The following NRF1 variants were observed in gnomAD, a reference collection of about 807,000 sequenced individuals.
NRF1 encodes nuclear respiratory factor 1.
A neutral mutation model predicts 58.5 loss-of-function variants in NRF1; 5 were observed. The observed-to-expected ratio is 0.09, with a 90% confidence interval of 0.04 to 0.18. The LOEUF (loss-of-function observed/expected upper bound fraction) is 0.18. Ranked by LOEUF, NRF1 falls within the 10% of genes least tolerant of loss-of-function variation. NRF1 has a pLI of 1.00. For synonymous variants in NRF1, 224 were observed against 246.7 expected, an observed-to-expected ratio of 0.91 and a Z score of 0.86; for missense variants, 288 against 657.7, an observed-to-expected ratio of 0.44 and a Z score of 6.15.
rs964604292 is a variant in NRF1, at chr7:129,711,902, GA to G, written c.1065+335del. 8.6e-5 allele frequency among the ~76,000 whole-genome samples: 13 copies of G among 150,534 alleles called. No homozygotes were observed. In the East Asian group the frequency reaches 1.4e-3, roughly 16 times the overall value. On this transcript the variant is annotated intron_variant, in intron 8 of 10. Transcript: ENST00000393232. ...AAAGAATTTCATCTTTGGTCTTTAT[GA>G]AAAAAAAATGTCACATTAAAACTGG...
At chr7:129,747,636 G>C (rs1053534877) in intron 10 of NRF1, among the ~76,000 whole-genome samples, 1 of 152,160 alleles carries the variant, frequency 6.6e-6, no homozygotes, top group African/African-American at 2.4e-5. Flanking sequence ...TGAGATGAGT[G>C]ATCACCATTT....
intron 1 of NRF1, among the ~76,000 whole-genome samples, chr7:129,618,017 G>A (rs1003909615): frequency 6.6e-6 from 1 of 152,198 alleles, no homozygotes; most frequent in Admixed American, 6.5e-5. Flanking sequence ...GGGACCATAA[G>A]AGGTTTGAGT....
At chr7:129,715,464 T>C (rs1036647416) in intron 8 of NRF1, among the ~76,000 whole-genome samples, 2 of 152,178 alleles carry the variant, frequency 1.3e-5, no homozygotes, top group African/African-American at 4.8e-5. Flanking sequence ...TCTTCATAAC[T>C]TCTCCCCTAC....
intron 3 of NRF1, among the ~76,000 whole-genome samples, chr7:129,672,959 C>T (rs1314924987): frequency 6.6e-6 from 1 of 152,140 alleles, no homozygotes; most frequent in African/African-American, 2.4e-5. Context: ...GCCTGAAGCA[C>T]TCCACCTTTT....
chr7:129,626,661 G>T (rs1268371064), intron 1 of NRF1, among the ~76,000 whole-genome samples: 1 of 152,146 alleles, frequency 6.6e-6, no homozygotes, highest in African/African-American at 2.4e-5. Flanking sequence ...ACCTACTTTG[G>T]TGCTATCAGA....
intron 8 of NRF1, among the ~76,000 whole-genome samples, chr7:129,715,654 C>T (rs1803169437): frequency 6.6e-6 from 1 of 152,144 alleles, no homozygotes; most frequent in Non-Finnish European, 1.5e-5. Context: ...TTCATCACAG[C>T]ACTGTTTGTT....
At chr7:129,653,416 A>C (rs1801580764) in intron 1 of NRF1, among the ~76,000 whole-genome samples, 1 of 152,206 alleles carries the variant, frequency 6.6e-6, no homozygotes, top group African/African-American at 2.4e-5. Context: ...AGAGTGGTAC[A>C]TTTGGTTCCA....
In NRF1 at chr7:129,717,713, C is replaced by T. The variant is rs190031530; in HGVS notation, c.1223+337C>T. On this transcript the variant is annotated intron_variant, in intron 9 of 10. Coordinates refer to ENST00000393232, the MANE Select transcript of NRF1 (RefSeq NM_005011.5). ...TCTCCGCATCATTCTTCACTCCTGC[C>T]GCCACCCAGCCCCAACAACCAGTGT... 7.9e-5 allele frequency among the ~76,000 whole-genome samples: 12 copies of T among 152,242 alleles called. No homozygotes were observed. The South Asian group carries it at 1.2e-3, about 16-fold the overall frequency.
intron 1 of NRF1, among the ~76,000 whole-genome samples, chr7:129,627,445 T>C (rs1457520066): frequency 1.3e-5 from 2 of 152,124 alleles, no homozygotes; most frequent in African/African-American, 4.8e-5. Flanking sequence ...GGTCTCAAAC[T>C]CCTGGGCTCA....
intron 4 of NRF1, among the ~76,000 whole-genome samples, chr7:129,678,008 G>A (rs1584632804): frequency 6.6e-6 from 1 of 151,730 alleles, no homozygotes; most frequent in African/African-American, 2.4e-5. Flanking sequence ...GGGAGGGGGC[G>A]GGGAAACAAG....
intron 1 of NRF1, among the ~76,000 whole-genome samples, chr7:129,617,667 A>G (rs10245818): frequency 0.19 from 29,496 of 152,156 alleles, 3,160 homozygotes; most frequent in East Asian, 0.47. Context: ...TACAACTTCT[A>G]GAGAACCAAA....
chr7:129,673,991 A>G (rs1802117227), intron 3 of NRF1, among the ~76,000 whole-genome samples: 1 of 151,862 alleles, frequency 6.6e-6, no homozygotes, highest in African/African-American at 2.4e-5. Flanking sequence ...AATAGAAAAT[A>G]TAAGCCAGGC....
chr7:129,630,797 A>G (rs74550698), intron 1 of NRF1, among the ~76,000 whole-genome samples: 4,780 of 152,308 alleles, frequency 0.031, 125 homozygotes, highest in Middle Eastern at 0.075. Flanking sequence ...GGGTGAGGGC[A>G]TTGCTTTGAA....
At chr7:129,654,086 A>G (rs1801598359) in intron 1 of NRF1, among the ~76,000 whole-genome samples, 1 of 152,266 alleles carries the variant, frequency 6.6e-6, no homozygotes, top group African/African-American at 2.4e-5. Flanking sequence ...TTGCATTCCC[A>G]CCAGCAGTGA....
At chr7:129,716,010 A>C (rs1477952339) in intron 8 of NRF1, among the ~76,000 whole-genome samples, 1 of 148,036 alleles carries the variant, frequency 6.8e-6, no homozygotes, top group African/African-American at 2.5e-5. Flanking sequence ...CGTCTCCAAC[A>C]ACAAAAAAAA....
intron 4 of NRF1, among the ~76,000 whole-genome samples, chr7:129,681,873 G>A (rs1199886591): frequency 6.6e-6 from 1 of 151,370 alleles, no homozygotes; most frequent in Admixed American, 6.6e-5. Flanking sequence ...ATTGCTTGAG[G>A]CCAAGAGTTC....
At chr7:129,667,003 T>A (rs921329463) in intron 2 of NRF1, among the ~76,000 whole-genome samples, 1 of 152,224 alleles carries the variant, frequency 6.6e-6, no homozygotes, top group African/African-American at 2.4e-5. Context: ...TTGTATACTC[T>A]GTGATATGTT....
chr7:129,720,543 T>C (rs1803299021), intron 9 of NRF1, among the ~76,000 whole-genome samples: 1 of 152,174 alleles, frequency 6.6e-6, no homozygotes, highest in Admixed American at 6.5e-5. Context: ...TGGGTGCAGA[T>C]AAAACAAGCA....
At chr7:129,703,072 AC>A (rs1195490197) in intron 5 of NRF1, among the ~76,000 whole-genome samples, 2 of 152,166 alleles carry the variant, frequency 1.3e-5, no homozygotes, top group East Asian at 3.8e-4. Context: ...GTTTTAGAGA[AC>A]CTTTTATTTT....
Sources: gnomAD v4.1 joint callset for allele counts (sites outside exome capture counted in the v4.1 genomes callset) on GRCh38, gnomAD v4.1.1 for gene constraint, MANE v1.5 for transcripts, NCBI Gene and HGNC (gene_info 2026-07-23, HGNC 2026-07-21) for gene names.